Variants in OCIAD1 observed in about 807,000 individuals in gnomAD.
OCIAD1 encodes the protein OCIA domain-containing protein 1.
A neutral mutation model predicts 38.9 loss-of-function variants in OCIAD1; 29 were observed. That is an observed-to-expected ratio of 0.74 (90% confidence interval 0.55 to 1.02). The LOEUF (loss-of-function observed/expected upper bound fraction) is 1.02. Ranked by LOEUF, OCIAD1 falls within the 50% of genes least tolerant of loss-of-function variation. The pLI is 0.00. For synonymous variants in OCIAD1, 110 were observed against 92.0 expected (o/e 1.20, Z -1.12); for missense variants, 288 against 289.6 (o/e 0.99, Z 0.04).
intron 7 of OCIAD1, among the ~76,000 whole-genome samples, chr4:48,854,052 T>C (rs1258735139): frequency 6.6e-6 from 1 of 152,206 alleles, no homozygotes; most frequent in Non-Finnish European, 1.5e-5. Context: ...CACTATCTTA[T>C]CTCCAAAGGC....
upstream of OCIAD1, among the ~76,000 whole-genome samples, chr4:48,829,551 A>C (rs1368475692): frequency 6.6e-6 from 1 of 152,206 alleles, no homozygotes; most frequent in African/African-American, 2.4e-5. Context: ...AAATACTATG[A>C]AAACAATAAG....
At chr4:48,849,024 T>C (rs1012970595) in intron 5 of OCIAD1, among the ~76,000 whole-genome samples, 1 of 152,130 alleles carries the variant, frequency 6.6e-6, no homozygotes, top group African/African-American at 2.4e-5. Flanking sequence ...GAACCATTAT[T>C]ATCAGCAAAC....
intron 1 of OCIAD1, among the ~76,000 whole-genome samples, chr4:48,813,250 G>C (rs1274002256): frequency 6.6e-6 from 1 of 152,212 alleles, no homozygotes; most frequent in Non-Finnish European, 1.5e-5. Flanking sequence ...ACGTGATACT[G>C]TTGATATGGT....
At chr4:48,859,338 C>A (rs1188820669) in intron 8 of OCIAD1, among the ~76,000 whole-genome samples, 2 of 152,084 alleles carry the variant, frequency 1.3e-5, no homozygotes, top group Admixed American at 1.3e-4. Context: ...TATGTAAAGA[C>A]TTGTCGGTAC....
intron 1 of OCIAD1, among the ~76,000 whole-genome samples, chr4:48,813,351 T>C (rs901617378): frequency 1.3e-5 from 2 of 152,120 alleles, no homozygotes; most frequent in Non-Finnish European, 2.9e-5. Flanking sequence ...CCTACAGGCA[T>C]ATGAAAATGC....
intron 8 of OCIAD1, among the ~76,000 whole-genome samples, chr4:48,859,442 G>T (rs768093119): frequency 1.3e-5 from 2 of 152,044 alleles, no homozygotes; most frequent in Non-Finnish European, 2.9e-5. Flanking sequence ...TTCTATTATT[G>T]TCTGCATAGC....
At chr4:48,835,767 G>T (rs1467102136) in intron 3 of OCIAD1, among the ~76,000 whole-genome samples, 1 of 152,094 alleles carries the variant, frequency 6.6e-6, no homozygotes, top group Non-Finnish European at 1.5e-5. Flanking sequence ...CAGGAGGATC[G>T]CCTGAGACCA....
upstream of OCIAD1, among the ~76,000 whole-genome samples, chr4:48,826,831 C>G (rs1361561836): frequency 6.6e-6 from 1 of 152,174 alleles, no homozygotes; most frequent in Non-Finnish European, 1.5e-5. Context: ...GTAATGTACA[C>G]TTTTCCTCAC....
chr4:48,861,081 T>C lies in OCIAD1; in HGVS notation c.*319T>C. The C allele has an allele frequency of 4.0e-6, 1 of 249,332 alleles. No homozygotes were observed. 15.4% of individuals were successfully genotyped at this position (249,332 alleles called of 1,614,324 possible). On this transcript the variant is annotated 3_prime_UTR_variant, in exon 9 of 9. Coordinates refer to ENST00000264312, the MANE Select transcript of OCIAD1 (RefSeq NM_017830.4). ...ATTACAATGCTCTAGAATCAGCATA[T>C]AAGAAAATAAATGATATCTGCATGT...
chr4:48,848,816 T>C (rs1579091683), intron 5 of OCIAD1: 1 of 155,868 alleles, frequency 6.4e-6, no homozygotes, highest in African/African-American at 2.4e-5. Context: ...TTAAAAGAAA[T>C]CTCTCTAATT....
At chr4:48,823,036 C>T (rs1777209338) in intron 1 of OCIAD1, among the ~76,000 whole-genome samples, 1 of 152,190 alleles carries the variant, frequency 6.6e-6, no homozygotes, top group South Asian at 2.1e-4. Flanking sequence ...AATCCCATTA[C>T]TCAGTATAAA....
chr4:48,833,570 C>A, intron 3 of OCIAD1, 89 bp downstream of exon 3: 2 of 774,808 alleles, frequency 2.6e-6, no homozygotes, highest in South Asian at 1.7e-5. Context: ...TATAATAACT[C>A]CGTATAGAAC....
intron 1 of OCIAD1, among the ~76,000 whole-genome samples, chr4:48,825,480 T>C (rs1777240315): frequency 6.6e-6 from 1 of 152,244 alleles, no homozygotes; most frequent in African/African-American, 2.4e-5. Context: ...TGAGATTTAG[T>C]ATGGGAAAGA....
chr4:48,850,535 A>C (rs988850922), intron 6 of OCIAD1, among the ~76,000 whole-genome samples: 1 of 152,102 alleles, frequency 6.6e-6, no homozygotes, highest in African/African-American at 2.4e-5. Flanking sequence ...CAAATTGTTG[A>C]GATTACAGGT....
chr4:48,851,905 T>C lies in OCIAD1; in HGVS notation c.477T>C (p.Tyr159=). ...AADNIEMLPH[Y]EPIPFSSSMN... ...ACAACATAGAAATGCTTCCTCATTA[T>C]GAGCCAATTCCATTCAGTTCTTCTA... The change falls in exon 7 of 9, where the codon TAT becomes TAC. Residue 159 remains tyrosine (Y), a synonymous_variant. Transcript: ENST00000264312. 3.1e-6 allele frequency: 5 copies of C among 1,611,790 alleles called. No individual in the cohort carries two copies. The highest frequency in any genetic ancestry group is 4.2e-6 in the Non-Finnish European group (5 of 1,177,898).
chr4:48,860,661 C>T (rs1579130639), intron 8 of OCIAD1, 64 bp from the exon 9 acceptor site: 3 of 1,210,054 alleles, frequency 2.5e-6, no homozygotes, highest in Non-Finnish European at 3.7e-6. Flanking sequence ...TAGCAACAAA[C>T]TTAAAATAAT....
intron 7 of OCIAD1, among the ~76,000 whole-genome samples, chr4:48,853,296 G>A (rs1425220242): frequency 2.0e-5 from 3 of 152,106 alleles, no homozygotes; most frequent in Admixed American, 2.0e-4. Flanking sequence ...TACTTTGCCA[G>A]ATAAGATTTT....
Position 48,849,938 on chromosome 4 carries a change from A to T in OCIAD1, c.242-9A>T. 2 of 1,588,572 alleles carry T rather than the reference A, an allele frequency of 1.3e-6. No homozygotes were observed. The highest frequency in any genetic ancestry group is 1.9e-5 in the Admixed American group (1 of 52,538). ...TCAGTTACACTTTTTGTTTGATTTT[A>T]CAAATAAGTTGCTTGTATCATGGGA... is the stretch of plus-strand genomic sequence containing the variant. On this transcript the variant is annotated splice_polypyrimidine_tract_variant and intron_variant, in intron 5 of 8. Transcript: ENST00000264312.
At chr4:48,823,426 G>A (rs146020867) in intron 1 of OCIAD1, among the ~76,000 whole-genome samples, 2,607 of 152,036 alleles carry the variant, frequency 0.017, 37 homozygotes, top group South Asian at 0.027. Flanking sequence ...GAGAGCGTTA[G>A]GGCAAATACC....
Sources: gnomAD v4.1 joint callset for allele counts (sites outside exome capture counted in the v4.1 genomes callset) on GRCh38, gnomAD v4.1.1 for gene constraint, MANE v1.5 for transcripts, NCBI Gene and HGNC (gene_info 2026-07-23, HGNC 2026-07-21) for gene names.